The following RIC1 variants were observed in gnomAD, a reference collection of about 807,000 sequenced individuals.
The protein encoded by RIC1 is RIC1 partner of RAB6A GEF complex.
A neutral mutation model predicts 169.0 loss-of-function variants in RIC1; 88 were observed. That is an observed-to-expected ratio of 0.52 (90% CI 0.44 to 0.62). RIC1 has a LOEUF of 0.62. RIC1 is among the 20% of genes least tolerant of loss of function. The probability of loss-of-function intolerance (pLI) is 0.00; values close to 1 mark genes in which losing one functional copy is unlikely to be tolerated. For synonymous variants in RIC1, 790 were observed against 601.5 expected (o/e 1.31, Z -4.59); for missense variants, 1,877 against 1,725.5 (o/e 1.09, Z -1.56).
At chr9:5,698,776 T>A (rs1417207258) in intron 3 of RIC1, among the ~76,000 whole-genome samples, 1 of 152,216 alleles carries the variant, frequency 6.6e-6, no homozygotes, top group Non-Finnish European at 1.5e-5. Flanking sequence ...TCTTAATAAG[T>A]TGCAACTGGT....
intron 11 of RIC1, among the ~76,000 whole-genome samples, chr9:5,746,313 A>G (rs1825375101): frequency 6.6e-6 from 1 of 152,110 alleles, no homozygotes; most frequent in Admixed American, 6.5e-5. Flanking sequence ...AATTTGACGG[A>G]AAGCAATGTT....
chr9:5,656,839 T>A, intron 2 of RIC1, 149 bp downstream of exon 2: 1 of 537,448 alleles, frequency 1.9e-6, no homozygotes, highest in South Asian at 3.1e-5. Context: ...GATTATTCTA[T>A]GTGGATTACT....
chr9:5,681,776 C>T (rs190228379), intron 2 of RIC1, among the ~76,000 whole-genome samples: 1 of 152,110 alleles, frequency 6.6e-6, no homozygotes, highest in Non-Finnish European at 1.5e-5. Context: ...GTGTGGGAGT[C>T]TAAGTCTCTT....
In RIC1 at chr9:5,673,797, TA is replaced by T. The variant is rs1274057997; in HGVS notation, c.253-16161del. Among the ~76,000 whole-genome samples the T allele has an allele frequency of 2.0e-5, 3 of 152,066 alleles. 1 individual carries two copies. The South Asian group carries it at 6.2e-4, about 32-fold the overall frequency. ...TGAAAATGATAAAAGTTCCTGTATA[TA>T]TTTATCAGTTTAAAAATTTACTCAT... On this transcript the variant is annotated intron_variant, in intron 2 of 25. Transcript: ENST00000414202.
intron 17 of RIC1, 106 bp downstream of exon 17, chr9:5,757,557 A>G (rs1826081708): frequency 8.5e-7 from 1 of 1,180,638 alleles, no homozygotes; most frequent in Non-Finnish European, 1.2e-6. Context: ...AGTGTCTAAA[A>G]TGTACCTTAT....
At chr9:5,652,508 C>T (rs903888768) in intron 1 of RIC1, among the ~76,000 whole-genome samples, 1 of 151,892 alleles carries the variant, frequency 6.6e-6, no homozygotes, top group African/African-American at 2.4e-5. Flanking sequence ...TCAGCTAATT[C>T]ACTATTAGTG....
At chr9:5,649,875 T>G (rs774673639) in intron 1 of RIC1, among the ~76,000 whole-genome samples, 4 of 152,120 alleles carry the variant, frequency 2.6e-5, no homozygotes, top group African/African-American at 4.8e-5. Context: ...GTGGTGTTGG[T>G]TGGGTAGGGC....
At chr9:5,740,512 A>G (rs563039640) in intron 8 of RIC1, among the ~76,000 whole-genome samples, 1 of 151,954 alleles carries the variant, frequency 6.6e-6, no homozygotes, top group African/African-American at 2.4e-5. Context: ...AAATGATCAC[A>G]TGATCACAAG....
chr9:5,737,080 T>G (rs918585906), intron 7 of RIC1, among the ~76,000 whole-genome samples: 1 of 152,200 alleles, frequency 6.6e-6, no homozygotes, highest in African/African-American at 2.4e-5. Context: ...GAACATTTGT[T>G]TCTCTTTCTC....
At chr9:5,715,947 C>T (rs1823214458) in intron 4 of RIC1, among the ~76,000 whole-genome samples, 1 of 151,982 alleles carries the variant, frequency 6.6e-6, no homozygotes, top group Admixed American at 6.5e-5. Flanking sequence ...TCCTGGGCTC[C>T]AGTGATCTCA....
chr9:5,706,180 C>T (rs551612410), intron 3 of RIC1, among the ~76,000 whole-genome samples: 1 of 152,204 alleles, frequency 6.6e-6, no homozygotes, highest in Admixed American at 6.5e-5. Context: ...ATTAGAAGTC[C>T]GGGGATGGTG....
In RIC1 at chr9:5,763,472, C is replaced by T. The variant is rs376724210; in HGVS notation, c.2445C>T (p.Phe815=). ...NNAREQLEVL[F]PFCVVERTSQ... is the part of the protein sequence containing the mutation. ...CTAGAGAACAGCTGGAGGTGCTCTT[C>T]CCTTTCTGTGTTGTGGAGAGAACCT... The change falls in exon 19 of 26, where the codon TTC becomes TTT. Residue 815 remains phenylalanine (F), a synonymous_variant. Transcript: ENST00000414202. The surrounding 1 kb of genome is among the most constrained non-coding windows in gnomAD (Gnocchi z 5.2). The T allele has an allele frequency of 3.7e-6, 6 of 1,614,038 alleles. No individual in the cohort carries two copies. The African/African-American group carries it at 6.7e-5, about 18-fold the overall frequency.
chr9:5,630,744 A>ATATG (rs1337441975), intron 1 of RIC1, among the ~76,000 whole-genome samples: 2 of 152,220 alleles, frequency 1.3e-5, no homozygotes, highest in Non-Finnish European at 2.9e-5. Context: ...TTTTGAATAT[A>ATATG]TATGTATGTA....
rs570501111 is a variant in RIC1 at position 5,763,889 on chromosome 9, A to C, written c.2841+21A>C. 6.3e-7 allele frequency: 1 copy of C among 1,584,222 alleles called. No homozygotes were observed. Among genetic ancestry groups the C allele is most frequent in the South Asian group, 1.1e-5 (1 of 87,164 alleles). ...TACAGGTAACAATTCTCTTCTTATA[A>C]AGGGGCAAGAATTAATGAGCTTAAA... On this transcript the variant is annotated intron_variant, in intron 19 of 25. Transcript: ENST00000414202. This position sits in a 1 kb window ranked among gnomAD's most constrained non-coding sequence, Gnocchi z 5.2.
chr9:5,724,549 A>C (rs193237145), intron 6 of RIC1, among the ~76,000 whole-genome samples: 1 of 152,188 alleles, frequency 6.6e-6, no homozygotes, highest in East Asian at 1.9e-4. Context: ...AATACCCTTT[A>C]TTTCTTTCTT....
chr9:5,730,250 A>G (rs1400572839), intron 6 of RIC1, among the ~76,000 whole-genome samples: 1 of 152,190 alleles, frequency 6.6e-6, no homozygotes, highest in Non-Finnish European at 1.5e-5. Flanking sequence ...GAGGACTAAA[A>G]GAGCTGGAGA....
chr9:5,639,888 T>TA (rs1818157064), intron 1 of RIC1, among the ~76,000 whole-genome samples: 1 of 152,222 alleles, frequency 6.6e-6, no homozygotes, highest in South Asian at 2.1e-4. Context: ...TTTATATAAT[T>TA]ACTCCTGCTC....
At chr9:5,703,404 A>G (rs1822357908) in intron 3 of RIC1, among the ~76,000 whole-genome samples, 1 of 152,214 alleles carries the variant, frequency 6.6e-6, no homozygotes, top group South Asian at 2.1e-4. Flanking sequence ...TTGTACAACT[A>G]TCACAATTAC....
chr9:5,778,244 T>G (rs139804187), downstream of RIC1, among the ~76,000 whole-genome samples: 23 of 152,382 alleles, frequency 1.5e-4, no homozygotes, highest in African/African-American at 5.3e-4. Flanking sequence ...ATACAATTGC[T>G]TCTGTATATT....
Sources: allele counts gnomAD v4.1 joint callset (sites outside exome capture counted in the v4.1 genomes callset), GRCh38; gene constraint gnomAD v4.1.1; non-coding constraint Gnocchi (gnomAD v3.1); transcripts MANE v1.5; gene names NCBI Gene and HGNC (gene_info 2026-07-23, HGNC 2026-07-21).